Variants in SLX4IP observed in about 807,000 individuals in gnomAD.
The protein encoded by SLX4IP is protein SLX4IP.
SLX4IP carries 34 observed loss-of-function variants against 32.9 expected under a neutral mutation model. That is an observed-to-expected ratio of 1.03 (90% CI 0.79 to 1.38). SLX4IP has a LOEUF of 1.38. Ranked by LOEUF, SLX4IP falls within the 40% of genes most tolerant of loss-of-function variation. The pLI is 0.00. For synonymous variants in SLX4IP, 172 were observed against 171.7 expected (o/e 1.00, Z -0.01); for missense variants, 444 against 479.0 (o/e 0.93, Z 0.68).
chr20:10,457,801 A>C (rs939987817), intron 1 of SLX4IP, among the ~76,000 whole-genome samples: 2 of 150,576 alleles, frequency 1.3e-5, no homozygotes, highest in African/African-American at 4.9e-5. Flanking sequence ...CATTTGATAG[A>C]ATGTAGCAGG....
At chr20:10,529,574 G>C (rs861371) in intron 2 of SLX4IP, among the ~76,000 whole-genome samples, 1 of 134,176 alleles carries the variant, frequency 7.5e-6, no homozygotes. Flanking sequence ...CTGGGTGACC[G>C]TGTGAGACTC....
Position 10,623,457 on chromosome 20 carries a change from C to G in SLX4IP, c.*78C>G. 1 of 1,504,084 alleles carries G rather than the reference C, an allele frequency of 6.6e-7. No individual in the cohort carries two copies. The highest frequency in any genetic ancestry group is 2.3e-5 in the East Asian group (1 of 43,624). The allele number at this position is 1,504,084 out of a possible 1,614,324, so 93.2% of individuals were successfully genotyped here. A position where few individuals can be genotyped will look rare whatever the true frequency, so the allele number is the denominator to read the frequency against. ...ACAAGAGAGCTGCGAATATAGATGC[C>G]GGGATTTTAAAGGAATTAATTAGAA... On this transcript the variant is annotated 3_prime_UTR_variant, in exon 8 of 8. Coordinates refer to ENST00000334534, the MANE Select transcript of SLX4IP (RefSeq NM_001009608.3).
intron 2 of SLX4IP, among the ~76,000 whole-genome samples, chr20:10,482,710 C>T (rs1219785132): frequency 6.6e-6 from 1 of 152,144 alleles, no homozygotes; most frequent in Non-Finnish European, 1.5e-5. Context: ...CCCTATACTT[C>T]ATAGAAGGAA....
At chr20:10,534,312 G>A (rs2066017754) in intron 2 of SLX4IP, among the ~76,000 whole-genome samples, 1 of 152,182 alleles carries the variant, frequency 6.6e-6, no homozygotes, top group African/African-American at 2.4e-5. Flanking sequence ...AGCACCTTCT[G>A]TGGGCTAGGC....
chr20:10,592,522 G>C (rs190391299), intron 4 of SLX4IP, among the ~76,000 whole-genome samples: 14 of 150,412 alleles, frequency 9.3e-5, no homozygotes, highest in African/African-American at 2.4e-4. Context: ...CTTTTGATAA[G>C]GACAAGGTGC....
At chr20:10,481,600 A>G (rs780987008) in intron 2 of SLX4IP, among the ~76,000 whole-genome samples, 5 of 152,188 alleles carry the variant, frequency 3.3e-5, no homozygotes, top group Non-Finnish European at 7.3e-5. Flanking sequence ...TTTCCCTTAT[A>G]TATTAATGCT....
chr20:10,622,541 G>A (rs987190951), intron 7 of SLX4IP, 118 bp from the exon 8 acceptor site: 20 of 1,401,724 alleles, frequency 1.4e-5, no homozygotes, highest in African/African-American at 8.6e-5. Context: ...CTGGGGAAGC[G>A]AGAGGGCAGG....
intron 1 of SLX4IP, among the ~76,000 whole-genome samples, chr20:10,457,156 G>A (rs1204037046): frequency 6.6e-6 from 1 of 152,032 alleles, no homozygotes; most frequent in African/African-American, 2.4e-5. Context: ...TATTGTTTAT[G>A]AATAGACAGT....
intron 4 of SLX4IP, among the ~76,000 whole-genome samples, chr20:10,576,720 G>C (rs2066527848): frequency 6.6e-6 from 1 of 152,152 alleles, no homozygotes; most frequent in Non-Finnish European, 1.5e-5. Context: ...GTGTATATTT[G>C]TGTGTTTGTG....
intron 6 of SLX4IP, chr20:10,613,805 C>G: frequency 6.2e-7 from 1 of 1,613,194 alleles, no homozygotes; most frequent in African/African-American, 1.3e-5. Context: ...CCATGTCACC[C>G]TTGAAGTCCA....
chr20:10,490,401 G>A (rs2065612941), intron 2 of SLX4IP, among the ~76,000 whole-genome samples: 2 of 152,066 alleles, frequency 1.3e-5, no homozygotes, highest in African/African-American at 4.8e-5. Context: ...ATTTGGGTCC[G>A]TGTGTCTTCC....
At chr20:10,558,887 AC>A (rs750671893) in intron 3 of SLX4IP, among the ~76,000 whole-genome samples, 3 of 152,192 alleles carry the variant, frequency 2.0e-5, no homozygotes, top group Admixed American at 1.3e-4. Flanking sequence ...ATCACACTGC[AC>A]TTGGTCTACC....
intron 1 of SLX4IP, among the ~76,000 whole-genome samples, chr20:10,440,827 T>A (rs1362665658): frequency 6.6e-6 from 1 of 152,246 alleles, no homozygotes; most frequent in Non-Finnish European, 1.5e-5. Context: ...ACAAAGTGGA[T>A]TGATCATGTG....
intron 1 of SLX4IP, among the ~76,000 whole-genome samples, chr20:10,436,062 A>AT (rs200190520): frequency 0.014 from 2,122 of 151,906 alleles, 42 homozygotes; most frequent in African/African-American, 0.047. Flanking sequence ...TTAGTTTTTA[A>AT]TTTTTTTGGC....
rs1272412250 is a variant in SLX4IP, at chr20:10,625,164, A to G, written c.*1785A>G. The G allele has an allele frequency of 6.6e-6, 1 of 152,268 alleles. No individual in the cohort carries two copies. Among genetic ancestry groups the G allele is most frequent in the Non-Finnish European group, 1.5e-5 (1 of 68,072 alleles). 9.4% of individuals were successfully genotyped at this position (152,268 alleles called of 1,614,324 possible). A position where few individuals can be genotyped will look rare whatever the true frequency, so the allele number is the denominator to read the frequency against. On this transcript the variant is annotated 3_prime_UTR_variant, in exon 8 of 8. Coordinates refer to ENST00000334534, the MANE Select transcript of SLX4IP (RefSeq NM_001009608.3). ...AAACCGAGTACCTGGTAGAATGTGC[A>G]TTTCCATGGCCCACTGTAGGCGCCT...
At position 10,522,967 on chromosome 20, in the gene SLX4IP, C is replaced by T. The variant is rs536389876; in HGVS notation, c.28-33264C>T. ...CCTCTTCCCTACTGTGTTAAGTTCT[C>T]TCTAAGCCCTGATCATCCTGCAGTT... On this transcript the variant is annotated intron_variant, in intron 2 of 7. Coordinates refer to ENST00000334534, the MANE Select transcript of SLX4IP (RefSeq NM_001009608.3). Among the ~76,000 whole-genome samples, 5 of 152,306 alleles carry T rather than the reference C, an allele frequency of 3.3e-5. No individual in the cohort carries two copies. In the East Asian group the frequency reaches 9.7e-4, roughly 29 times the overall value.
chr20:10,570,611 C>T lies in SLX4IP; in HGVS notation c.238+9791C>T, dbSNP rs8125048. On this transcript the variant is annotated intron_variant, in intron 4 of 7. Transcript: ENST00000334534. ...TGGTACGATCTCAGCTCATTGCAAC[C>T]TCCGCCTCCCAGGTTCAAGTGATTC... is the stretch of plus-strand genomic sequence containing the variant. 5.8e-3 allele frequency among the ~76,000 whole-genome samples: 877 copies of T among 152,072 alleles called. 7 individuals carry two copies. The highest frequency in any genetic ancestry group is 0.02 in the African/African-American group (831 of 41,456).
chr20:10,616,531 T>G (rs1157258227), intron 6 of SLX4IP, among the ~76,000 whole-genome samples: 1 of 152,072 alleles, frequency 6.6e-6, no homozygotes, highest in East Asian at 1.9e-4. Flanking sequence ...AAGATCTGCC[T>G]TTTCACCACC....
At chr20:10,556,086 A>G (rs1290870578) in intron 2 of SLX4IP, 145 bp from the exon 3 acceptor site, 2 of 626,572 alleles carry the variant, frequency 3.2e-6, no homozygotes, top group South Asian at 4.4e-5. Flanking sequence ...ACCTGTAACC[A>G]TGTTCTTTAT....
Sources: allele counts gnomAD v4.1 joint callset (sites outside exome capture counted in the v4.1 genomes callset), GRCh38; gene constraint gnomAD v4.1.1; transcripts MANE v1.5; gene names NCBI Gene and HGNC (gene_info 2026-07-23, HGNC 2026-07-21).